IKZF1: variants seen among roughly 807,000 people sequenced by gnomAD.
IKZF1 encodes the protein IKAROS family zinc finger 1.
In IKZF1, 10 loss-of-function variants were observed where a neutral mutation model predicts 51.7. That is an observed-to-expected ratio of 0.19 (90% CI 0.12 to 0.33). The LOEUF is 0.33. IKZF1 is among the 10% of genes least tolerant of loss of function. The probability of loss-of-function intolerance (pLI) is 1.00; values close to 1 mark genes in which losing one functional copy is unlikely to be tolerated. For missense variants in IKZF1, 484 were observed against 707.5 expected (o/e 0.68, Z 3.58); for synonymous variants, 280 against 282.3 (o/e 0.99, Z 0.08).
chr7:50,351,094 A>G (rs1196301125), intron 3 of IKZF1, among the ~76,000 whole-genome samples: 1 of 152,260 alleles, frequency 6.6e-6, no homozygotes, highest in Non-Finnish European at 1.5e-5. Flanking sequence ...AGACTTCATT[A>G]GTTTGGATTT....
At chr7:50,368,552 T>C in intron 3 of IKZF1, 3 of 565,508 alleles carry the variant, frequency 5.3e-6, no homozygotes, top group Non-Finnish European at 9.4e-6. Flanking sequence ...CTCCAGGCCG[T>C]TATTCTGTGG....
chr7:50,316,855 T>C (rs186771834), intron 1 of IKZF1, among the ~76,000 whole-genome samples: 2 of 152,354 alleles, frequency 1.3e-5, no homozygotes, highest in African/African-American at 2.4e-5. Flanking sequence ...TTAGGAAACA[T>C]CTTTTTTTAA....
At chr7:50,399,579 T>G (rs960236933) in intron 7 of IKZF1, among the ~76,000 whole-genome samples, 1 of 152,200 alleles carries the variant, frequency 6.6e-6, no homozygotes, top group Non-Finnish European at 1.5e-5. Flanking sequence ...ATTTAAAATA[T>G]TAAATGAAAT....
chr7:50,363,387 G>A (rs1292458658), intron 3 of IKZF1, among the ~76,000 whole-genome samples: 1 of 152,152 alleles, frequency 6.6e-6, no homozygotes, highest in East Asian at 1.9e-4. Context: ...CATCTGAAAA[G>A]AACGAGCTGG....
chr7:50,362,656 A>G (rs1009244844), intron 3 of IKZF1, among the ~76,000 whole-genome samples: 3 of 152,156 alleles, frequency 2.0e-5, no homozygotes, highest in Admixed American at 1.3e-4. Flanking sequence ...TATCTGAATA[A>G]TATTACCTGC....
intron 5 of IKZF1, 33 bp downstream of exon 5, chr7:50,382,740 G>T (rs768624406): frequency 1.8e-5 from 29 of 1,577,802 alleles, no homozygotes; most frequent in Non-Finnish European, 2.5e-5. Context: ...GGGGCTGTCT[G>T]GGTGTCCCGG....
intron 2 of IKZF1, among the ~76,000 whole-genome samples, chr7:50,321,347 G>A (rs185670284): frequency 1.7e-4 from 26 of 152,320 alleles, no homozygotes; most frequent in African/African-American, 5.8e-4. Context: ...CCTCTCATTT[G>A]GCTTCGCCAG....
At chr7:50,373,786 A>G (rs1809423951) in intron 3 of IKZF1, among the ~76,000 whole-genome samples, 1 of 152,210 alleles carries the variant, frequency 6.6e-6, no homozygotes, top group Non-Finnish European at 1.5e-5. Context: ...AAAGATGCAC[A>G]GCCTCTACCT....
chr7:50,319,039 C>G lies in IKZF1; in HGVS notation c.-14-9C>G. ...GCTTTAAACTAAAATCCCTTCCTCT[C>G]TTTCTCAGATAACCTGAGGACCATG... On this transcript the variant is annotated splice_polypyrimidine_tract_variant and intron_variant, in intron 1 of 7. Coordinates refer to ENST00000331340, the MANE Select transcript of IKZF1 (RefSeq NM_006060.6). The G allele has an allele frequency of 1.2e-6, 2 of 1,603,148 alleles. No individual in the cohort carries two copies. The highest frequency in any genetic ancestry group is 1.7e-6 in the Non-Finnish European group (2 of 1,170,638).
At chr7:50,367,303 G>A (rs1807224629) in intron 3 of IKZF1, among the ~76,000 whole-genome samples, 1 of 152,068 alleles carries the variant, frequency 6.6e-6, no homozygotes, top group African/African-American at 2.4e-5. Context: ...GACTCTTGGG[G>A]GAAAGATTGT....
chr7:50,353,818 T>C (rs191241623), intron 3 of IKZF1, among the ~76,000 whole-genome samples: 1 of 152,322 alleles, frequency 6.6e-6, no homozygotes. Flanking sequence ...TCCAGGAGTA[T>C]CACATTTCTG....
chr7:50,306,211 T>C (rs79391891), intron 1 of IKZF1, among the ~76,000 whole-genome samples: 8,388 of 152,306 alleles, frequency 0.055, 309 homozygotes, highest in Non-Finnish European at 0.082. Flanking sequence ...ATACAAATAA[T>C]GATGTCACAT....
intron 2 of IKZF1, among the ~76,000 whole-genome samples, chr7:50,319,648 G>T (rs777961831): frequency 1.3e-3 from 194 of 152,264 alleles, no homozygotes; most frequent in Non-Finnish European, 2.4e-3. Context: ...CAGCACTGAG[G>T]GTGGACGGCG....
chr7:50,382,942 C>T (rs918827959), intron 5 of IKZF1, among the ~76,000 whole-genome samples: 2 of 152,120 alleles, frequency 1.3e-5, no homozygotes, highest in Non-Finnish European at 2.9e-5. Flanking sequence ...CACATACACA[C>T]ACAGAAGTCT....
At chr7:50,352,507 T>G (rs940960379) in intron 3 of IKZF1, among the ~76,000 whole-genome samples, 6 of 152,240 alleles carry the variant, frequency 3.9e-5, no homozygotes, top group Non-Finnish European at 8.8e-5. Context: ...AGTTTTACTT[T>G]CTTTCTCATT....
At chr7:50,384,500 A>G (rs974762435) in intron 5 of IKZF1, among the ~76,000 whole-genome samples, 3 of 152,268 alleles carry the variant, frequency 2.0e-5, no homozygotes, top group Admixed American at 6.5e-5. Context: ...CAGGGGGGCC[A>G]TGGAGTGGGA....
intron 3 of IKZF1, among the ~76,000 whole-genome samples, chr7:50,372,526 A>G (rs1809013327): frequency 2.0e-5 from 3 of 152,238 alleles, no homozygotes; most frequent in Admixed American, 2.0e-4. Context: ...ATTTGCTGAT[A>G]CAGGTTCCTC....
chr7:50,363,147 A>G (rs937735474), intron 3 of IKZF1, among the ~76,000 whole-genome samples: 7 of 152,250 alleles, frequency 4.6e-5, no homozygotes, highest in Non-Finnish European at 8.8e-5. Context: ...GGTCTGGGGG[A>G]AAAGATGGGA....
Position 50,400,870 on chromosome 7 carries a change from T to A in IKZF1, c.*243T>A. 1.8e-6 allele frequency: 1 copy of A among 551,136 alleles called. No individual in the cohort carries two copies. The highest frequency in any genetic ancestry group is 1.9e-5 in the African/African-American group (1 of 52,700). The allele number at this position is 551,136 out of a possible 1,614,324, so 34.1% of individuals were successfully genotyped here. A position where few individuals can be genotyped will look rare whatever the true frequency, so the allele number is the denominator to read the frequency against. ...CATCCAGAACTGCTACCTTCCTAGA[T>A]GTTTCCCCAGACCGCTGGCTGAGAT... On this transcript the variant is annotated 3_prime_UTR_variant, in exon 8 of 8. Coordinates refer to ENST00000331340, the MANE Select transcript of IKZF1 (RefSeq NM_006060.6). The surrounding 1 kb of genome is among the most constrained non-coding windows in gnomAD (Gnocchi z 5.4).
Sources: gnomAD v4.1 joint callset for allele counts (sites outside exome capture counted in the v4.1 genomes callset) on GRCh38, gnomAD v4.1.1 for gene constraint, Gnocchi (gnomAD v3.1) non-coding constraint, MANE v1.5 for transcripts, NCBI Gene and HGNC (gene_info 2026-07-23, HGNC 2026-07-21) for gene names.